The following KIF25 variants were observed in gnomAD, a reference collection of about 807,000 sequenced individuals.
The protein encoded by KIF25 is kinesin family member 25, also known as kinesin-like protein KIF25.
KIF25 carries 19 observed loss-of-function variants against 32.9 expected under a neutral mutation model. The observed-to-expected ratio is 0.58, with a 90% CI of 0.40 to 0.85. The LOEUF is 0.85. Among genes scored for constraint, KIF25 ranks in the 40% least tolerant of loss-of-function variants. The pLI is 0.00. For synonymous variants in KIF25, 225 were observed against 213.7 expected, an observed-to-expected ratio of 1.05 and a Z score of -0.46; for missense variants, 485 against 507.0, an observed-to-expected ratio of 0.96 and a Z score of 0.42.
chr6:168,027,576 G>A (rs898707486), intron 5 of KIF25, among the ~76,000 whole-genome samples: 10 of 152,156 alleles, frequency 6.6e-5, no homozygotes, highest in Non-Finnish European at 5.9e-5. Context: ...CCAAGCACAG[G>A]AGCCTTGGGT....
chr6:168,036,856 G>C (rs976587817), intron 8 of KIF25, among the ~76,000 whole-genome samples: 1 of 152,214 alleles, frequency 6.6e-6, no homozygotes, highest in African/African-American at 2.4e-5. Context: ...GAGGCCAGGA[G>C]TTTGAGACCA....
intron 4 of KIF25, among the ~76,000 whole-genome samples, chr6:168,005,210 G>A (rs553406372): frequency 5.9e-5 from 9 of 152,128 alleles, no homozygotes; most frequent in Non-Finnish European, 1.2e-4. Context: ...ATGTGTCCTG[G>A]GTATATAGGG....
At chr6:168,007,113 T>A (rs1798589986) in intron 4 of KIF25, among the ~76,000 whole-genome samples, 1 of 152,216 alleles carries the variant, frequency 6.6e-6, no homozygotes. Context: ...ATGACACATG[T>A]GGTAATCAGT....
chr6:168,039,125 C>A lies in KIF25; in HGVS notation c.494+396C>A, dbSNP rs112077025. On this transcript the variant is annotated intron_variant, in intron 9 of 12. Coordinates refer to ENST00000643607, the MANE Select transcript of KIF25 (RefSeq NM_030615.4). ...CTGTTAGAGATAAAAGTAAAAAAAA[C>A]CACAAAAAATATTTTTTACAATCAA... Among the ~76,000 whole-genome samples, 28 of 151,764 alleles carry A rather than the reference C, an allele frequency of 1.8e-4. No homozygotes were observed. In the South Asian group the frequency reaches 2.1e-3, roughly 11 times the overall value.
intron 5 of KIF25, among the ~76,000 whole-genome samples, chr6:168,027,029 G>A (rs1411300780): frequency 6.6e-6 from 1 of 152,182 alleles, no homozygotes; most frequent in South Asian, 2.1e-4. Flanking sequence ...GAGCTGTAGG[G>A]ACCGTTCCCA....
intron 4 of KIF25, among the ~76,000 whole-genome samples, chr6:168,012,509 A>G (rs1798661098): frequency 6.6e-6 from 1 of 152,158 alleles, no homozygotes; most frequent in Non-Finnish European, 1.5e-5. Context: ...CTCTCAGGCT[A>G]TATCTCGGGT....
Position 168,021,124 on chromosome 6 carries a change from T to A in KIF25, c.-95+3084T>A, listed in dbSNP as rs570300379. 3.6e-4 allele frequency among the ~76,000 whole-genome samples: 55 copies of A among 152,270 alleles called. 1 individual carries two copies. The South Asian group carries it at 0.011, about 30-fold the overall frequency. Reference sequence around the variant, plus strand: ...TGATAGAGGCAAACCAACAGACACATCATCAATGGAACGGAGAAGAGTTCA... The same window carrying A: ...TGATAGAGGCAAACCAACAGACACAACATCAATGGAACGGAGAAGAGTTCA... On this transcript the variant is annotated intron_variant, in intron 5 of 12. Transcript: ENST00000643607.
chr6:168,038,876 G>A (rs768933499), intron 9 of KIF25, 147 bp downstream of exon 9: 35 of 712,580 alleles, frequency 4.9e-5, no homozygotes, highest in Non-Finnish European at 8.1e-5. Flanking sequence ...CCCGATCAGT[G>A]CTCCTTGTCA....
At chr6:168,010,145 T>C (rs1481129080) in intron 4 of KIF25, among the ~76,000 whole-genome samples, 2 of 152,068 alleles carry the variant, frequency 1.3e-5, no homozygotes, top group Non-Finnish European at 2.9e-5. Context: ...AGGTGCATCA[T>C]AATGTCATTT....
chr6:168,035,171 C>A (rs1375676265), intron 8 of KIF25, among the ~76,000 whole-genome samples: 1 of 151,706 alleles, frequency 6.6e-6, no homozygotes, highest in Non-Finnish European at 1.5e-5. Context: ...CGTCTCTTCT[C>A]GTCTGTGAGA....
intron 5 of KIF25, 52 bp from the exon 6 acceptor site, chr6:168,029,440 A>T: frequency 7.9e-7 from 1 of 1,264,458 alleles, no homozygotes; most frequent in Non-Finnish European, 1.1e-6. Context: ...CATTCATGTT[A>T]AGGCATGGTC....
chr6:168,040,015 G>A lies in KIF25; in HGVS notation c.495-50G>A, dbSNP rs751911011. On this transcript the variant is annotated intron_variant, in intron 9 of 12. Coordinates refer to ENST00000643607, the MANE Select transcript of KIF25 (RefSeq NM_030615.4). ...CGAGGAGTCTTGGAAGTCGCCTTAG[G>A]TAAGGGGGGCCGCCCTCACTGTGTT... 2.6e-6 allele frequency: 4 copies of A among 1,561,948 alleles called. No homozygotes were observed. The South Asian group carries it at 3.5e-5, about 14-fold the overall frequency.
At chr6:168,041,559 C>T (rs1389067027) in intron 10 of KIF25, among the ~76,000 whole-genome samples, 1 of 152,178 alleles carries the variant, frequency 6.6e-6, no homozygotes, top group African/African-American at 2.4e-5. Flanking sequence ...TTAGGAATAA[C>T]ACACTACAAA....
At chr6:168,004,443 TG>T (rs1798551193) in intron 4 of KIF25, among the ~76,000 whole-genome samples, 2 of 152,182 alleles carry the variant, frequency 1.3e-5, no homozygotes, top group African/African-American at 4.8e-5. Context: ...ATTTTTTGGG[TG>T]CTAGAACATC....
intron 4 of KIF25, among the ~76,000 whole-genome samples, chr6:168,012,826 G>C (rs745814407): frequency 4.6e-5 from 7 of 152,118 alleles, no homozygotes; most frequent in Non-Finnish European, 7.4e-5. Context: ...TGCCCACAGG[G>C]CTGCTTCTCA....
At chr6:168,000,195 A>G (rs13212457) in intron 2 of KIF25, among the ~76,000 whole-genome samples, 2 of 88,100 alleles carry the variant, frequency 2.3e-5, no homozygotes, top group Non-Finnish European at 4.4e-5. Flanking sequence ...ACCACACCTG[A>G]CACTCCCCAC....
intron 3 of KIF25, among the ~76,000 whole-genome samples, chr6:168,003,383 G>T (rs1435469413): frequency 2.0e-5 from 3 of 152,094 alleles, no homozygotes; most frequent in African/African-American, 7.2e-5. Context: ...AGGATGGAAG[G>T]GTGGATCCAT....
rs1798445555 is a variant in KIF25, at chr6:167,998,036, T to C, written c.-1433T>C. 6.6e-6 allele frequency among the ~76,000 whole-genome samples: 1 copy of C among 152,236 alleles called. No individual in the cohort carries two copies. Among genetic ancestry groups the C allele is most frequent in the Admixed American group, 6.5e-5 (1 of 15,290 alleles). ...GTGCTTCCTGTGTACCAAGTACTTT[T>C]GAAACCATTTGGTGTATTTTCTTAT... On this transcript the variant is annotated 5_prime_UTR_variant, in exon 1 of 13. Coordinates refer to ENST00000643607, the MANE Select transcript of KIF25 (RefSeq NM_030615.4).
intron 5 of KIF25, among the ~76,000 whole-genome samples, chr6:168,019,699 T>C (rs1798762608): frequency 6.6e-6 from 1 of 152,162 alleles, no homozygotes; most frequent in African/African-American, 2.4e-5. Context: ...TTATATGTAT[T>C]TTTTTACCAC....
Sources: gnomAD v4.1 joint callset for allele counts (sites outside exome capture counted in the v4.1 genomes callset) on GRCh38, gnomAD v4.1.1 for gene constraint, MANE v1.5 for transcripts, NCBI Gene and HGNC (gene_info 2026-07-23, HGNC 2026-07-21) for gene names.